Variants in SLC12A1 observed in about 807,000 individuals in gnomAD.
SLC12A1 encodes the protein Na-K-2Cl cotransporter.
Under a neutral mutation model 130.4 loss-of-function variants are expected in SLC12A1, and 89 were observed. The ratio of observed to expected loss-of-function variants is 0.68; its 90% CI spans 0.58 to 0.81. The LOEUF is 0.81. Ranked by LOEUF, SLC12A1 falls within the 40% of genes least tolerant of loss-of-function variation. The pLI, the probability that SLC12A1 is intolerant of heterozygous loss-of-function variation, is 0.00. For missense variants in SLC12A1, 1,310 were observed against 1,336.4 expected (o/e 0.98, Z 0.31); for synonymous variants, 499 against 460.0 (o/e 1.08, Z -1.09).
At position 48,244,608 on chromosome 15, in the gene SLC12A1, A is replaced by G. The variant is rs35885767; in HGVS notation, c.1301-145A>G. 1.1e-3 allele frequency: 778 copies of G among 723,174 alleles called. 4 individuals carry two copies. In the African/African-American group the frequency reaches 0.013, roughly 12 times the overall value. The allele number at this position is 723,174 out of a possible 1,614,324, so 44.8% of individuals were successfully genotyped here. A position where few individuals can be genotyped will look rare whatever the true frequency, so the allele number is the denominator to read the frequency against. ...GAAACCCCAGGACTCAGCAGATGGG[A>G]GCCTCCAGTTATCAAGAACTACTCA... On this transcript the variant is annotated intron_variant, in intron 10 of 26. Transcript: ENST00000380993.
intron 9 of SLC12A1, among the ~76,000 whole-genome samples, chr15:48,239,331 C>A (rs2041474801): frequency 6.6e-6 from 1 of 151,832 alleles, no homozygotes; most frequent in Admixed American, 6.6e-5. Context: ...AGCAACATGG[C>A]AAAACCGTGT....
At chr15:48,289,080 G>A (rs1245199755) in intron 23 of SLC12A1, among the ~76,000 whole-genome samples, 1 of 147,718 alleles carries the variant, frequency 6.8e-6, no homozygotes, top group African/African-American at 2.6e-5. Context: ...AGGGATGACT[G>A]TAGAGAACTC....
chr15:48,209,242 T>C (rs916290769), intron 2 of SLC12A1, among the ~76,000 whole-genome samples: 2 of 152,172 alleles, frequency 1.3e-5, no homozygotes, highest in Non-Finnish European at 2.9e-5. Context: ...TTTTTTTGTA[T>C]TTTTAGTAAA....
In SLC12A1 at chr15:48,260,773, T is replaced by C. The variant is rs536432545; in HGVS notation, c.2154+1462T>C. Among the ~76,000 whole-genome samples the C allele has an allele frequency of 2.0e-5, 3 of 152,308 alleles. No individual in the cohort carries two copies. The South Asian group carries it at 6.2e-4, about 32-fold the overall frequency. On this transcript the variant is annotated intron_variant, in intron 17 of 26. Transcript: ENST00000380993. Reference sequence around the variant, plus strand: ...TAGGGCTGTCAGGAAGTCAGGTGACTTTAGAACCAGTCAACTCTGCCATGA... The same window carrying C: ...TAGGGCTGTCAGGAAGTCAGGTGACCTTAGAACCAGTCAACTCTGCCATGA...
rs140941842 is a variant in SLC12A1 at position 48,210,729 on chromosome 15, G to C, written c.420+2590G>C. 5.0e-4 allele frequency among the ~76,000 whole-genome samples: 75 copies of C among 151,418 alleles called. No individual in the cohort carries two copies. The East Asian group carries it at 0.015, about 29-fold the overall frequency. On this transcript the variant is annotated intron_variant, in intron 2 of 26. Transcript: ENST00000380993. The stretch of plus-strand genomic sequence containing the variant: ...AAAAAAAAAAAATTAGCCAGGCATG[G>C]TGGCACATGCTTGTAATCCTGGCCC...
chr15:48,267,530 G>T (rs28476729), intron 17 of SLC12A1, 31 bp from the exon 18 acceptor site: 2 of 1,612,064 alleles, frequency 1.2e-6, no homozygotes, highest in Non-Finnish European at 1.7e-6. Context: ...TAATAGCAGG[G>T]TTCTAACCAA....
At position 48,221,142 on chromosome 15, in the gene SLC12A1, T is replaced by C. The variant is rs77846911; in HGVS notation, c.628+146T>C. On this transcript the variant is annotated intron_variant, in intron 4 of 26. Coordinates refer to ENST00000380993, the MANE Select transcript of SLC12A1 (RefSeq NM_000338.3). The stretch of plus-strand genomic sequence containing the variant: ...TCCTTTTACTTTGCTTCTTTGACGA[T>C]GTTTGTCAGAAAGCAAAGGTGAAGA... 0.029 allele frequency: 23,508 copies of C among 819,626 alleles called. 1,715 individuals carry two copies. Among genetic ancestry groups the C allele is most frequent in the African/African-American group, 0.17 (9,744 of 58,738 alleles). The allele number at this position is 819,626 out of a possible 1,614,324, so 50.8% of individuals were successfully genotyped here. A position where few individuals can be genotyped will look rare whatever the true frequency, so the allele number is the denominator to read the frequency against.
At position 48,295,992 on chromosome 15, in the gene SLC12A1, C is replaced by T. The variant is rs59118951; in HGVS notation, c.2961-3148C>T. Among the ~76,000 whole-genome samples, 1,394 of 152,306 alleles carry T rather than the reference C, an allele frequency of 9.2e-3. 29 individuals carry two copies. Among genetic ancestry groups the T allele is most frequent in the African/African-American group, 0.032 (1,318 of 41,560 alleles). ...TGTAATACCTTAATTAAGGCAACTC[C>T]TCTGGATGGTCTAATCAGAGAAAGA... On this transcript the variant is annotated intron_variant, in intron 24 of 26. Coordinates refer to ENST00000380993, the MANE Select transcript of SLC12A1 (RefSeq NM_000338.3).
At chr15:48,270,434 T>C (rs2041880859) in intron 19 of SLC12A1, among the ~76,000 whole-genome samples, 1 of 151,844 alleles carries the variant, frequency 6.6e-6, no homozygotes, top group Non-Finnish European at 1.5e-5. Flanking sequence ...TTTCCCATTC[T>C]ACAAGTGGAG....
At chr15:48,219,654 A>G (rs2041174813) in intron 2 of SLC12A1, among the ~76,000 whole-genome samples, 1 of 152,120 alleles carries the variant, frequency 6.6e-6, no homozygotes, top group Non-Finnish European at 1.5e-5. Flanking sequence ...GTAAGGAAGA[A>G]AGAAGGAAAG....
Position 48,288,046 on chromosome 15 carries a change from G to T in SLC12A1, c.2633G>T (p.Gly878Val). Residue 878 changes from glycine (G) to valine (V), a missense_variant, in exon 22 of 27, where the codon GGC becomes GTC. Transcript: ENST00000380993. Reference protein sequence around the residue: ...NITKTTPKKDGSINTSQSMHV... With the variant: ...NITKTTPKKDVSINTSQSMHV... ...ATCAATTCCTCTTTCGTTTCAGATG[G>T]CAGCATTAACACAAGCCAGTCGATG... 1 of 1,607,268 alleles carries T rather than the reference G, an allele frequency of 6.2e-7. No homozygotes were observed. Among genetic ancestry groups the T allele is most frequent in the South Asian group, 1.1e-5 (1 of 89,140 alleles).
At chr15:48,225,562 AAATAAT>A (rs149715623) in intron 4 of SLC12A1, 4 of 152,072 alleles carry the variant, frequency 2.6e-5, no homozygotes, top group African/African-American at 9.7e-5. Flanking sequence ...CTGTCTCTAA[AAATAAT>A]AATAATAATA....
chr15:48,296,586 G>GAA (rs2042179299), intron 24 of SLC12A1, among the ~76,000 whole-genome samples: 1 of 152,062 alleles, frequency 6.6e-6, no homozygotes, highest in Non-Finnish European at 1.5e-5. Flanking sequence ...TTTGAGAGAA[G>GAA]AAATTTTATG....
intron 9 of SLC12A1, among the ~76,000 whole-genome samples, 167 bp from the exon 10 acceptor site, chr15:48,241,348 G>T (rs1431004810): frequency 6.6e-6 from 1 of 152,158 alleles, no homozygotes; most frequent in Non-Finnish European, 1.5e-5. Flanking sequence ...CCTTGTCTTT[G>T]TCCAAAATAA....
intron 17 of SLC12A1, among the ~76,000 whole-genome samples, chr15:48,266,603 C>A (rs1004972347): frequency 1.3e-5 from 2 of 152,160 alleles, no homozygotes; most frequent in Non-Finnish European, 2.9e-5. Flanking sequence ...TCAATACCCA[C>A]AAGGCTGCAT....
chr15:48,259,295 G>A lies in SLC12A1; in HGVS notation c.2138G>A (p.Cys713Tyr). 6.2e-7 allele frequency: 1 copy of A among 1,612,026 alleles called. No individual in the cohort carries two copies. The highest frequency in any genetic ancestry group is 1.1e-5 in the South Asian group (1 of 91,024). Reference protein sequence around the residue: ...AFTKNSGLCICCEVFVGPRKL... With the variant: ...AFTKNSGLCIYCEVFVGPRKL... ...ACCAAGAACAGTGGCCTTTGCATCT[G>A]CTGTGAAGTCTTTGTGGTAAGAGCC... Residue 713 changes from cysteine (C) to tyrosine (Y), a missense_variant, in exon 17 of 27, where the codon TGC becomes TAC. Cys to Tyr is a radical substitution (Grantham distance 194). Transcript: ENST00000380993.
chr15:48,249,743 A>G, intron 14 of SLC12A1, 67 bp downstream of exon 14: 1 of 1,139,390 alleles, frequency 8.8e-7, no homozygotes, highest in Non-Finnish European at 1.3e-6. Context: ...AAACGAAATA[A>G]ATCAGTGAAA....
chr15:48,291,674 A>G (rs1229272971), intron 23 of SLC12A1, 104 bp from the exon 24 acceptor site: 3 of 732,814 alleles, frequency 4.1e-6, no homozygotes, highest in Non-Finnish European at 7.1e-6. Flanking sequence ...AGCTAAGCTG[A>G]AATAAGACGT....
intron 17 of SLC12A1, among the ~76,000 whole-genome samples, chr15:48,263,055 C>T (rs2041793380): frequency 6.6e-6 from 1 of 152,200 alleles, no homozygotes; most frequent in South Asian, 2.1e-4. Flanking sequence ...TCTGGGCACA[C>T]TATGTTCAGT....
Sources: allele counts gnomAD v4.1 joint callset (sites outside exome capture counted in the v4.1 genomes callset), GRCh38; gene constraint gnomAD v4.1.1; transcripts MANE v1.5; gene names NCBI Gene and HGNC (gene_info 2026-07-23, HGNC 2026-07-21).